The following RCAN2 variants were observed in gnomAD, a reference collection of about 807,000 sequenced individuals.
The protein encoded by RCAN2 is calcipressin-2.
RCAN2 carries 9 observed loss-of-function variants against 23.6 expected under a neutral mutation model. That is an observed-to-expected ratio of 0.38 (90% CI 0.23 to 0.67). RCAN2 has a LOEUF of 0.67. Ranked by LOEUF, RCAN2 falls within the 30% of genes least tolerant of loss-of-function variation. The pLI, the probability that RCAN2 is intolerant of heterozygous loss-of-function variation, is 0.51. For missense variants in RCAN2, 273 were observed against 302.3 expected, an observed-to-expected ratio of 0.90 and a Z score of 0.72; for synonymous variants, 109 against 115.7, an observed-to-expected ratio of 0.94 and a Z score of 0.37.
In RCAN2 at chr6:46,222,968, A is replaced by T; in HGVS notation, c.*173T>A. 2 of 657,646 alleles carry T rather than the reference A, an allele frequency of 3.0e-6. No homozygotes were observed. The highest frequency in any genetic ancestry group is 5.3e-6 in the Non-Finnish European group (2 of 373,958). The allele number at this position is 657,646 out of a possible 1,614,324, so 40.7% of individuals were successfully genotyped here. A position where few individuals can be genotyped will look rare whatever the true frequency, so the allele number is the denominator to read the frequency against. ...GGTTATACTTAATGGGTATGATATG[A>T]TCAGGAGACATATCACCTTTTCCTA... On this transcript the variant is annotated 3_prime_UTR_variant, in exon 5 of 5. Transcript: ENST00000371374.
At chr6:46,433,614 A>G (rs1195954192) in intron 2 of RCAN2, among the ~76,000 whole-genome samples, 1 of 152,148 alleles carries the variant, frequency 6.6e-6, no homozygotes, top group African/African-American at 2.4e-5. Flanking sequence ...GGAAGGGGCT[A>G]CAAGTCAAGG....
chr6:46,439,430 G>T (rs1172085662), intron 2 of RCAN2, among the ~76,000 whole-genome samples: 1 of 152,162 alleles, frequency 6.6e-6, no homozygotes, highest in Non-Finnish European at 1.5e-5. Flanking sequence ...TGTTTAAATA[G>T]AAATTATTTT....
intron 1 of RCAN2, among the ~76,000 whole-genome samples, chr6:46,460,475 G>A (rs1333056761): frequency 2.6e-5 from 4 of 152,156 alleles, no homozygotes; most frequent in Non-Finnish European, 4.4e-5. Context: ...TCTGAGGTTG[G>A]CCATCCAAAG....
intron 2 of RCAN2, among the ~76,000 whole-genome samples, chr6:46,343,532 C>T (rs1206915122): frequency 6.6e-6 from 1 of 151,912 alleles, no homozygotes; most frequent in Admixed American, 6.6e-5. Flanking sequence ...CCCGTCACCA[C>T]GCCCAGCTAA....
chr6:46,384,527 T>G (rs949058638), intron 2 of RCAN2, among the ~76,000 whole-genome samples: 9 of 152,216 alleles, frequency 5.9e-5, no homozygotes, highest in African/African-American at 2.2e-4. Flanking sequence ...CAATGTAATT[T>G]TTGTTAATTT....
chr6:46,490,488 C>A (rs1056787025), intron 1 of RCAN2, among the ~76,000 whole-genome samples: 1 of 152,232 alleles, frequency 6.6e-6, no homozygotes, highest in Non-Finnish European at 1.5e-5. Flanking sequence ...TGGAAACCAG[C>A]GAGACCTGGA....
rs533131628 is a variant in RCAN2, at chr6:46,222,077, G to C, written c.*1064C>G. The C allele has an allele frequency of 2.5e-6, 1 of 398,154 alleles. No homozygotes were observed. The highest frequency in any genetic ancestry group is 4.4e-6 in the Non-Finnish European group (1 of 225,658). The allele number at this position is 398,154 out of a possible 1,614,324, so 24.7% of individuals were successfully genotyped here. A position where few individuals can be genotyped will look rare whatever the true frequency, so the allele number is the denominator to read the frequency against. The stretch of plus-strand genomic sequence containing the variant: ...TTGCATCTTTATTTAAAAACAAGTG[G>C]TCTTGATAGCAAAGATGTTGGCTAA... On this transcript the variant is annotated 3_prime_UTR_variant, in exon 5 of 5. Coordinates refer to ENST00000371374, the MANE Select transcript of RCAN2 (RefSeq NM_001251974.2).
intron 2 of RCAN2, among the ~76,000 whole-genome samples, chr6:46,430,495 A>G (rs1767165052): frequency 6.6e-6 from 1 of 152,160 alleles, no homozygotes; most frequent in East Asian, 1.9e-4. Flanking sequence ...TTGTTAGTGT[A>G]CAGGTGGCAA....
At chr6:46,472,278 T>C (rs1256965083) in intron 1 of RCAN2, among the ~76,000 whole-genome samples, 2 of 152,152 alleles carry the variant, frequency 1.3e-5, no homozygotes, top group East Asian at 1.9e-4. Flanking sequence ...AACAATGTAA[T>C]GGAAACCCAT....
At chr6:46,397,133 T>G (rs201987657) in intron 2 of RCAN2, among the ~76,000 whole-genome samples, 4 of 152,196 alleles carry the variant, frequency 2.6e-5, no homozygotes, top group East Asian at 1.9e-4. Context: ...AAAAGTAACC[T>G]AGAACATATG....
chr6:46,451,797 A>G (rs1213577045), intron 2 of RCAN2, among the ~76,000 whole-genome samples: 1 of 152,192 alleles, frequency 6.6e-6, no homozygotes, highest in African/African-American at 2.4e-5. Flanking sequence ...TCTATTTACA[A>G]GACACACAAA....
intron 2 of RCAN2, among the ~76,000 whole-genome samples, chr6:46,270,388 C>T (rs765813778): frequency 8.5e-5 from 13 of 152,314 alleles, no homozygotes; most frequent in South Asian, 4.1e-4. Context: ...TCACAGACCA[C>T]CCTCTCATTG....
chr6:46,282,731 T>C (rs934647395), intron 2 of RCAN2, among the ~76,000 whole-genome samples: 3 of 152,216 alleles, frequency 2.0e-5, no homozygotes, highest in South Asian at 2.1e-4. Context: ...AAGTTATTGA[T>C]GGCCAAAGTG....
chr6:46,261,419 AG>A (rs1767103031), intron 2 of RCAN2, among the ~76,000 whole-genome samples: 1 of 152,206 alleles, frequency 6.6e-6, no homozygotes, highest in Non-Finnish European at 1.5e-5. Context: ...TCTACCTCAT[AG>A]GGGTATCCTG....
intron 2 of RCAN2, among the ~76,000 whole-genome samples, chr6:46,365,265 C>T (rs1018846489): frequency 6.6e-6 from 1 of 152,012 alleles, no homozygotes; most frequent in Admixed American, 6.6e-5. Flanking sequence ...CACCTGAGGT[C>T]AGGAGTTTGA....
In RCAN2 at chr6:46,456,941, G is replaced by C. The variant is rs1007809930; in HGVS notation, c.36C>G (p.Ser12Arg). The C allele has an allele frequency of 1.3e-6, 2 of 1,550,728 alleles. No homozygotes were observed. The highest frequency in any genetic ancestry group is 1.7e-6 in the Non-Finnish European group (2 of 1,147,016). ...CAGGGACGTGTCCCTGCTGCCCTGG[G>C]CTCCTCATTCCGATGAAGTATGATT... ...RGESYFIGMR[S>R]PGQQGHVPED... The change falls in exon 2 of 5, where the codon AGC (serine) becomes AGG (arginine). Residue 12 changes from serine to arginine, a missense_variant. Coordinates refer to ENST00000371374, the MANE Select transcript of RCAN2 (RefSeq NM_001251974.2).
intron 2 of RCAN2, among the ~76,000 whole-genome samples, chr6:46,276,299 G>A (rs1226131817): frequency 4.6e-5 from 7 of 152,090 alleles, no homozygotes; most frequent in South Asian, 2.1e-4. Flanking sequence ...AGGTTTCCTC[G>A]GAATATCTGC....
chr6:46,288,379 A>T (rs1762437685), intron 2 of RCAN2, among the ~76,000 whole-genome samples: 1 of 152,334 alleles, frequency 6.6e-6, no homozygotes, highest in South Asian at 2.1e-4. Context: ...GTAAGGTGTG[A>T]TGTGAATGGG....
At chr6:46,418,695 GTA>G (rs70996369) in intron 2 of RCAN2, among the ~76,000 whole-genome samples, 24,869 of 120,334 alleles carry the variant, frequency 0.21, 2,205 homozygotes, top group Non-Finnish European at 0.25. Context: ...ATGTGTGTGT[GTA>G]TATATATATA....
Sources: gnomAD v4.1 joint callset for allele counts (sites outside exome capture counted in the v4.1 genomes callset) on GRCh38, gnomAD v4.1.1 for gene constraint, MANE v1.5 for transcripts, NCBI Gene and HGNC (gene_info 2026-07-23, HGNC 2026-07-21) for gene names.